The following USH2A variants were observed in gnomAD, a reference collection of about 807,000 sequenced individuals.
USH2A encodes Usher syndrome 2A (autosomal recessive, mild).
In USH2A, 443 loss-of-function variants were observed where a neutral mutation model predicts 538.9. The observed-to-expected ratio is 0.82, with a 90% CI of 0.76 to 0.89. The LOEUF (loss-of-function observed/expected upper bound fraction) is 0.89. Among genes scored for constraint, USH2A ranks in the 40% least tolerant of loss-of-function variants. The pLI, the probability that USH2A is intolerant of heterozygous loss-of-function variation, is 0.00. For synonymous variants in USH2A, 2,413 were observed against 2,273.5 expected, an observed-to-expected ratio of 1.06 and a Z score of -1.75; for missense variants, 6,633 against 6,324.8, an observed-to-expected ratio of 1.05 and a Z score of -1.65.
chr1:215,796,140 A>G (rs1198882111), intron 50 of USH2A, among the ~76,000 whole-genome samples: 2 of 152,184 alleles, frequency 1.3e-5, no homozygotes, highest in African/African-American at 4.8e-5. Flanking sequence ...CATGCCATGT[A>G]ACATCTGAAA....
intron 56 of USH2A, among the ~76,000 whole-genome samples, chr1:215,762,466 GT>G (rs2102744609): frequency 6.6e-6 from 1 of 152,252 alleles, no homozygotes; most frequent in South Asian, 2.1e-4. Context: ...TAAAAGTTGA[GT>G]TTATTATTTA....
intron 14 of USH2A, among the ~76,000 whole-genome samples, chr1:216,226,659 CAGTCAGAT>C (rs1179475756): frequency 1.3e-5 from 2 of 152,196 alleles, no homozygotes; most frequent in Non-Finnish European, 2.9e-5. Context: ...TGTTTTAGTG[CAGTCAGAT>C]GCATTTTCTT....
At chr1:216,259,321 T>A (rs1013666956) in intron 11 of USH2A, among the ~76,000 whole-genome samples, 1 of 152,146 alleles carries the variant, frequency 6.6e-6, no homozygotes, top group Non-Finnish European at 1.5e-5. Flanking sequence ...AGATGTGTTT[T>A]AATGTAGTAA....
At chr1:216,086,355 G>A (rs1323473189) in intron 24 of USH2A, among the ~76,000 whole-genome samples, 5 of 152,046 alleles carry the variant, frequency 3.3e-5, no homozygotes, top group African/African-American at 4.8e-5. Flanking sequence ...CCTATTTAGA[G>A]TATAAATCAA....
intron 48 of USH2A, among the ~76,000 whole-genome samples, chr1:215,815,857 A>T (rs1025594402): frequency 6.6e-6 from 1 of 152,076 alleles, no homozygotes; most frequent in Non-Finnish European, 1.5e-5. Flanking sequence ...CAAATCCATT[A>T]TACACACCTA....
chr1:215,780,252 A>G (rs1427824420), intron 54 of USH2A, among the ~76,000 whole-genome samples: 2 of 152,046 alleles, frequency 1.3e-5, no homozygotes, highest in Non-Finnish European at 2.9e-5. Context: ...TAAGTCTCAC[A>G]CTACCATTTA....
intron 40 of USH2A, among the ~76,000 whole-genome samples, chr1:215,889,377 G>A (rs745614380): frequency 1.3e-5 from 2 of 152,072 alleles, no homozygotes; most frequent in African/African-American, 2.4e-5. Context: ...AAACATACAA[G>A]AGGGTAGTTG....
chr1:216,113,153 A>C (rs1224677811), intron 21 of USH2A, among the ~76,000 whole-genome samples: 7 of 133,802 alleles, frequency 5.2e-5, no homozygotes, highest in Non-Finnish European at 9.8e-5. Context: ...AAAAAAAAAA[A>C]AAACAAAACA....
At chr1:215,832,856 A>G (rs1248955262) in intron 47 of USH2A, among the ~76,000 whole-genome samples, 2 of 151,942 alleles carry the variant, frequency 1.3e-5, no homozygotes, top group East Asian at 3.8e-4. Context: ...AAGACTTACA[A>G]GGAGTTTAGC....
chr1:216,144,412 C>A (rs1012481474), intron 21 of USH2A, among the ~76,000 whole-genome samples: 1 of 151,314 alleles, frequency 6.6e-6, no homozygotes. Context: ...TATACAGAAC[C>A]AAGTTAAACA....
chr1:215,720,089 G>C (rs988644094), intron 61 of USH2A, among the ~76,000 whole-genome samples: 1 of 152,180 alleles, frequency 6.6e-6, no homozygotes, highest in African/African-American at 2.4e-5. Flanking sequence ...ACATATCACT[G>C]CATGACTTAT....
chr1:216,289,364 A>T lies in USH2A; in HGVS notation c.1887T>A (p.Gly629=), dbSNP rs2102606431. Residue 629 remains glycine, a synonymous_variant, in exon 11 of 72, where the codon GGT becomes GGA. Transcript: ENST00000307340. ...LCKDYFFRQV[G]ADPSAIDVCK... ...AAACATCTATGGCCGAAGGATCTGC[A>T]CCAACTTGTCGGAAAAAGTAATCCT... The T allele has an allele frequency of 6.2e-7, 1 of 1,613,990 alleles. No homozygotes were observed. The highest frequency in any genetic ancestry group is 8.5e-7 in the Non-Finnish European group (1 of 1,179,858).
At chr1:216,387,758 A>G (rs2039031249) in intron 3 of USH2A, among the ~76,000 whole-genome samples, 1 of 152,174 alleles carries the variant, frequency 6.6e-6, no homozygotes, top group Non-Finnish European at 1.5e-5. Context: ...AGGGTTTTTA[A>G]TGCTCTGTGC....
chr1:216,312,686 G>C (rs1238509290), intron 9 of USH2A, among the ~76,000 whole-genome samples: 1 of 151,884 alleles, frequency 6.6e-6, no homozygotes, highest in Non-Finnish European at 1.5e-5. Context: ...ATCTATTTTT[G>C]CATGTTGTCT....
At chr1:215,902,135 C>G (rs1007787835) in intron 38 of USH2A, among the ~76,000 whole-genome samples, 1 of 151,946 alleles carries the variant, frequency 6.6e-6, no homozygotes, top group African/African-American at 2.4e-5. Flanking sequence ...ATATAGGTTC[C>G]TAATGACCAC....
chr1:216,076,615 GAGA>G (rs1290505427), intron 27 of USH2A, among the ~76,000 whole-genome samples: 1 of 152,058 alleles, frequency 6.6e-6, no homozygotes, highest in Non-Finnish European at 1.5e-5. Flanking sequence ...TGAAAACCTG[GAGA>G]AGCTCTTATA....
intron 3 of USH2A, among the ~76,000 whole-genome samples, 197 bp downstream of exon 3, chr1:216,418,317 G>T (rs1341936574): frequency 3.3e-5 from 5 of 152,000 alleles, no homozygotes; most frequent in African/African-American, 1.2e-4. Context: ...CAGCAATTTT[G>T]GGGGAGGAAA....
At chr1:216,384,955 T>G (rs1440875202) in intron 3 of USH2A, among the ~76,000 whole-genome samples, 1 of 152,134 alleles carries the variant, frequency 6.6e-6, no homozygotes, top group Non-Finnish European at 1.5e-5. Flanking sequence ...AAGTGAAGCT[T>G]CATGGTCATT....
intron 3 of USH2A, among the ~76,000 whole-genome samples, chr1:216,404,196 A>G (rs1335100380): frequency 6.6e-6 from 1 of 152,184 alleles, no homozygotes; most frequent in Non-Finnish European, 1.5e-5. Flanking sequence ...TAGAGGACTC[A>G]ATATAGTAAA....
Sources: allele counts gnomAD v4.1 joint callset (sites outside exome capture counted in the v4.1 genomes callset), GRCh38; gene constraint gnomAD v4.1.1; transcripts MANE v1.5; gene names NCBI Gene and HGNC (gene_info 2026-07-23, HGNC 2026-07-21).